Variants in RPRD2 observed in about 807,000 individuals in gnomAD.
RPRD2 encodes the protein regulation of nuclear pre-mRNA domain containing 2.
In RPRD2, 12 loss-of-function variants were observed where a neutral mutation model predicts 104.4. That is an observed-to-expected ratio of 0.11 (90% CI 0.07 to 0.19). The LOEUF (loss-of-function observed/expected upper bound fraction) is 0.19, where lower values mean the gene tolerates loss of function less well. Among genes scored for constraint, RPRD2 ranks in the 10% least tolerant of loss-of-function variants. The pLI is 1.00. For synonymous variants in RPRD2, 714 were observed against 684.9 expected, an observed-to-expected ratio of 1.04 and a Z score of -0.66; for missense variants, 1,543 against 1,790.1, an observed-to-expected ratio of 0.86 and a Z score of 2.49.
intron 1 of RPRD2, among the ~76,000 whole-genome samples, chr1:150,383,376 G>A (rs940694681): frequency 2.0e-5 from 3 of 148,058 alleles, no homozygotes; most frequent in African/African-American, 5.0e-5. Context: ...GTGCAGTGGC[G>A]CAATCTTGGC....
chr1:150,367,728 CT>C (rs1208447376), intron 1 of RPRD2, among the ~76,000 whole-genome samples: 139 of 145,202 alleles, frequency 9.6e-4, no homozygotes, highest in Middle Eastern at 3.5e-3. Context: ...TCCTTCTTTA[CT>C]TTTTTTTTTT....
At chr1:150,395,618 TCTG>T (rs1662458220) in intron 1 of RPRD2, among the ~76,000 whole-genome samples, 1 of 151,678 alleles carries the variant, frequency 6.6e-6, no homozygotes, top group African/African-American at 2.4e-5. Flanking sequence ...TTCAAGCAGT[TCTG>T]CTGCTCAGCC....
intron 6 of RPRD2, among the ~76,000 whole-genome samples, chr1:150,445,891 A>G (rs782612851): frequency 2.6e-5 from 4 of 152,106 alleles, no homozygotes; most frequent in Non-Finnish European, 5.9e-5. Flanking sequence ...ACACAGTGAA[A>G]CCCCATCTCC....
At chr1:150,428,123 ATTATG>A (rs1416674524) in intron 2 of RPRD2, among the ~76,000 whole-genome samples, 23 of 152,194 alleles carry the variant, frequency 1.5e-4, no homozygotes, top group South Asian at 6.2e-4. Flanking sequence ...ATGAATGGGA[ATTATG>A]TTAGGAGATA....
intron 7 of RPRD2, among the ~76,000 whole-genome samples, chr1:150,447,374 G>C (rs372717755): frequency 7.6e-6 from 1 of 130,980 alleles, no homozygotes; most frequent in Non-Finnish European, 1.6e-5. Context: ...CCCTCTTATT[G>C]CCTAGGCTGG....
In RPRD2 at chr1:150,386,330, A is replaced by G. The variant is rs782682729; in HGVS notation, c.205+21411A>G. On this transcript the variant is annotated intron_variant, in intron 1 of 10. Transcript: ENST00000369068. ...CCAGGCGTGGTAGCTCATGCCTGTA[A>G]TGCCGGCATTTTGGGAGGCCGAGGC... Among the ~76,000 whole-genome samples, 5 of 152,162 alleles carry G rather than the reference A, an allele frequency of 3.3e-5. No homozygotes were observed. The South Asian group carries it at 1.0e-3, about 32-fold the overall frequency.
Position 150,462,845 on chromosome 1 carries a change from G to T in RPRD2, c.1412-1682G>T, listed in dbSNP as rs184847119. 2.4e-3 allele frequency among the ~76,000 whole-genome samples: 363 copies of T among 152,112 alleles called. 2 individuals carry two copies. Among genetic ancestry groups the T allele is most frequent in the African/African-American group, 8.3e-3 (343 of 41,496 alleles). On this transcript the variant is annotated intron_variant, in intron 9 of 10. Transcript: ENST00000369068. ...GCTGGGATTACAGGCGTGAGCCACCGCATCCGGCCATTTATTTATTTATTT... is the reference window on the plus strand; with the variant it reads ...GCTGGGATTACAGGCGTGAGCCACCTCATCCGGCCATTTATTTATTTATTT...
At chr1:150,441,059 G>T in intron 3 of RPRD2, 36 bp downstream of exon 3, 6 of 1,065,700 alleles carry the variant, frequency 5.6e-6, no homozygotes, top group Non-Finnish European at 6.9e-6. Context: ...GAAAATTTTT[G>T]AGTCAGTCTT....
intron 7 of RPRD2, among the ~76,000 whole-genome samples, chr1:150,451,296 T>C (rs1387235147): frequency 2.0e-5 from 3 of 152,172 alleles, no homozygotes; most frequent in Non-Finnish European, 4.4e-5. Context: ...CTACCTGTAA[T>C]GTTCCCCTTG....
intron 1 of RPRD2, among the ~76,000 whole-genome samples, chr1:150,405,225 T>G (rs781994444): frequency 6.6e-5 from 10 of 152,168 alleles, no homozygotes; most frequent in Non-Finnish European, 1.2e-4. Flanking sequence ...GAGTAGTAAA[T>G]TAAGTAACTG....
chr1:150,423,588 T>C (rs1664909594), intron 2 of RPRD2, among the ~76,000 whole-genome samples: 1 of 152,116 alleles, frequency 6.6e-6, no homozygotes, highest in African/African-American at 2.4e-5. Flanking sequence ...AAAGGTGTCA[T>C]GACAGATTTT....
intron 10 of RPRD2, among the ~76,000 whole-genome samples, chr1:150,469,425 C>T (rs892152666): frequency 3.3e-5 from 5 of 152,112 alleles, no homozygotes; most frequent in Admixed American, 2.6e-4. Context: ...TACAGGCATG[C>T]ACCATCATGC....
chr1:150,388,849 C>T (rs1661842580), intron 1 of RPRD2, among the ~76,000 whole-genome samples: 1 of 152,018 alleles, frequency 6.6e-6, no homozygotes, highest in Non-Finnish European at 1.5e-5. Flanking sequence ...TCGTGATCTG[C>T]CTGCCTCAGC....
intron 6 of RPRD2, 33 bp downstream of exon 6, chr1:150,444,410 T>C: frequency 1.2e-6 from 2 of 1,600,486 alleles, no homozygotes; most frequent in African/African-American, 2.7e-5. Flanking sequence ...GTAAGTCAGA[T>C]TTTCTTTCCA....
At chr1:150,442,821 G>A (rs1220764023) in intron 4 of RPRD2, among the ~76,000 whole-genome samples, 3 of 152,126 alleles carry the variant, frequency 2.0e-5, no homozygotes, top group Non-Finnish European at 4.4e-5. Context: ...AAATTTATAG[G>A]AATAGAGTTA....
At chr1:150,429,196 G>A (rs1450161684) in intron 2 of RPRD2, among the ~76,000 whole-genome samples, 1 of 151,500 alleles carries the variant, frequency 6.6e-6, no homozygotes, top group East Asian at 1.9e-4. Flanking sequence ...GGGTTCAAGC[G>A]ATTCTCCTGC....
intron 1 of RPRD2, among the ~76,000 whole-genome samples, chr1:150,405,485 T>C (rs587695027): frequency 3.4e-4 from 52 of 152,242 alleles, no homozygotes; most frequent in African/African-American, 1.2e-3. Flanking sequence ...TATAATTCCG[T>C]AGGCTGAATC....
intron 1 of RPRD2, among the ~76,000 whole-genome samples, chr1:150,387,567 CTTTTTTTTTTTTTTTTTTT>C (rs562476167): frequency 2.3e-3 from 173 of 73,776 alleles, no homozygotes; most frequent in South Asian, 6.1e-3. Context: ...TGCAACAGAC[CTTTTTTTTTTTTTTTTTTT>C]TTTTTTTTTT....
chr1:150,386,392 C>T (rs1335641805), intron 1 of RPRD2, among the ~76,000 whole-genome samples: 1 of 152,118 alleles, frequency 6.6e-6, no homozygotes, highest in Non-Finnish European at 1.5e-5. Flanking sequence ...CGAAACTAGT[C>T]TGGGCAACGT....
Sources: allele counts gnomAD v4.1 joint callset (sites outside exome capture counted in the v4.1 genomes callset), GRCh38; gene constraint gnomAD v4.1.1; transcripts MANE v1.5; gene names NCBI Gene and HGNC (gene_info 2026-07-23, HGNC 2026-07-21).